The following WDR41 variants were observed in gnomAD, a reference collection of about 807,000 sequenced individuals.
WDR41 encodes WD repeat domain 41, also known as WD repeat-containing protein 41.
Under a neutral mutation model 69.3 loss-of-function variants are expected in WDR41, and 63 were observed. The observed-to-expected ratio is 0.91, with a 90% CI of 0.74 to 1.12. WDR41 has a LOEUF of 1.12. Ranked by LOEUF, WDR41 falls within the 50% of genes most tolerant of loss-of-function variation. The probability of loss-of-function intolerance (pLI) is 0.00; values close to 1 mark genes in which losing one functional copy is unlikely to be tolerated. For missense variants in WDR41, 543 were observed against 534.5 expected (o/e 1.02, Z -0.16); for synonymous variants, 185 against 192.1 (o/e 0.96, Z 0.31).
chr5:77,452,008 A>C (rs1476223901), intron 6 of WDR41: 1 of 114,746 alleles, frequency 8.7e-6, no homozygotes, highest in Non-Finnish European at 1.7e-5. Context: ...TAGAACCACC[A>C]CGTGTTGGCA....
intron 1 of WDR41, among the ~76,000 whole-genome samples, chr5:77,585,829 A>C (rs998275458): frequency 2.0e-5 from 3 of 152,124 alleles, no homozygotes; most frequent in Admixed American, 6.6e-5. Flanking sequence ...GGGGGGAAGA[A>C]AGGGAGGAGG....
At chr5:77,527,550 C>G (rs918199640) in intron 1 of WDR41, among the ~76,000 whole-genome samples, 2 of 151,766 alleles carry the variant, frequency 1.3e-5, no homozygotes, top group Non-Finnish European at 3.0e-5. Context: ...TGAATAGAAG[C>G]TGATAGAATA....
At chr5:77,617,243 A>C (rs1744695214) in intron 1 of WDR41, among the ~76,000 whole-genome samples, 1 of 152,190 alleles carries the variant, frequency 6.6e-6, no homozygotes, top group Admixed American at 6.5e-5. Context: ...ATCTAACTTA[A>C]ATTTAAATAG....
intron 1 of WDR41, among the ~76,000 whole-genome samples, chr5:77,543,626 A>T (rs939154426): frequency 2.6e-5 from 4 of 152,184 alleles, no homozygotes; most frequent in Non-Finnish European, 4.4e-5. Context: ...ATAAGAAAAT[A>T]TGAACAAAGC....
intron 1 of WDR41, among the ~76,000 whole-genome samples, chr5:77,571,326 A>G (rs1743729159): frequency 6.6e-6 from 1 of 152,128 alleles, no homozygotes; most frequent in Non-Finnish European, 1.5e-5. Flanking sequence ...AGAGGTATAG[A>G]ACACAAACTT....
At chr5:77,532,441 C>T (rs1309471594) in intron 1 of WDR41, among the ~76,000 whole-genome samples, 1 of 152,130 alleles carries the variant, frequency 6.6e-6, no homozygotes, top group African/African-American at 2.4e-5. Flanking sequence ...AGCAATCCTT[C>T]TTGTAGGTAT....
chr5:77,565,999 C>G (rs983627696), intron 1 of WDR41, among the ~76,000 whole-genome samples: 4 of 152,038 alleles, frequency 2.6e-5, no homozygotes, highest in African/African-American at 9.7e-5. Flanking sequence ...CTCATAACAA[C>G]CCTATGAGGA....
intron 1 of WDR41, among the ~76,000 whole-genome samples, chr5:77,572,496 T>C (rs1743750777): frequency 6.6e-6 from 1 of 152,360 alleles, no homozygotes; most frequent in South Asian, 2.1e-4. Context: ...TTGTGGACTT[T>C]AAACCCAATT....
chr5:77,526,202 TG>T (rs1802444184), intron 1 of WDR41, among the ~76,000 whole-genome samples: 1 of 152,190 alleles, frequency 6.6e-6, no homozygotes, highest in Non-Finnish European at 1.5e-5. Flanking sequence ...TCCCTCTTTT[TG>T]TTCTTTCTTT....
chr5:77,496,082 ACT>A (rs1801928877), upstream of WDR41, among the ~76,000 whole-genome samples: 1 of 152,004 alleles, frequency 6.6e-6, no homozygotes, highest in Non-Finnish European at 1.5e-5. Context: ...TTATCACAAA[ACT>A]CTCAGAAAAC....
chr5:77,460,412 T>C (rs1291286655), intron 4 of WDR41, among the ~76,000 whole-genome samples: 1 of 152,204 alleles, frequency 6.6e-6, no homozygotes, highest in Non-Finnish European at 1.5e-5. Context: ...TTTACCAGAA[T>C]TCTAGTAGTA....
At chr5:77,473,986 G>A (rs1195204733) in intron 2 of WDR41, among the ~76,000 whole-genome samples, 4 of 152,132 alleles carry the variant, frequency 2.6e-5, no homozygotes, top group South Asian at 2.1e-4. Flanking sequence ...ACATGCACAC[G>A]TGTGTTTATT....
chr5:77,504,626 T>TAATCCAGCAGCACATCA (rs1802077394), intron 1 of WDR41, among the ~76,000 whole-genome samples: 1 of 152,162 alleles, frequency 6.6e-6, no homozygotes, highest in South Asian at 2.1e-4. Context: ...AAATCCTCAA[T>TAATCCAGCAGCACATCA]AAAATACTGG....
At chr5:77,569,012 C>G (rs1308500921) in intron 1 of WDR41, among the ~76,000 whole-genome samples, 2 of 152,138 alleles carry the variant, frequency 1.3e-5, no homozygotes, top group Non-Finnish European at 2.9e-5. Context: ...CATCGCTGTG[C>G]CCTGCCTTTC....
chr5:77,474,975 G>A (rs539159231), intron 2 of WDR41, among the ~76,000 whole-genome samples: 20 of 152,340 alleles, frequency 1.3e-4, no homozygotes, highest in African/African-American at 4.3e-4. Context: ...TGCGCGAGCC[G>A]AAGCAGGGCG....
At chr5:77,478,001 T>C (rs1477845567) in intron 2 of WDR41, among the ~76,000 whole-genome samples, 3 of 151,710 alleles carry the variant, frequency 2.0e-5, no homozygotes, top group Non-Finnish European at 2.9e-5. Context: ...ATATCACCAC[T>C]GATCCCACAG....
At chr5:77,503,616 A>G (rs1056825706) in intron 1 of WDR41, among the ~76,000 whole-genome samples, 6 of 152,222 alleles carry the variant, frequency 3.9e-5, no homozygotes, top group African/African-American at 1.2e-4. Flanking sequence ...AATTGACCAC[A>G]TAATTGGAAG....
intron 1 of WDR41, among the ~76,000 whole-genome samples, chr5:77,534,185 TA>T (rs2112212697): frequency 7.5e-6 from 1 of 133,490 alleles, no homozygotes; most frequent in African/African-American, 2.8e-5. Context: ...ATTCTTTGCT[TA>T]TTAAAAAATA....
chr5:77,582,622 G>T, intron 1 of WDR41: 1 of 1,601,432 alleles, frequency 6.2e-7, no homozygotes, highest in Non-Finnish European at 8.5e-7. Flanking sequence ...CAACTTCTAT[G>T]TACCTGCAGA....
Sources: allele counts gnomAD v4.1 joint callset (sites outside exome capture counted in the v4.1 genomes callset), GRCh38; gene constraint gnomAD v4.1.1; transcripts MANE v1.5; gene names NCBI Gene and HGNC (gene_info 2026-07-23, HGNC 2026-07-21).